Variants in ZER1 observed in about 807,000 individuals in gnomAD.
ZER1 encodes the protein zyg-11 related cell cycle regulator.
A neutral mutation model predicts 78.8 loss-of-function variants in ZER1; 11 were observed. That is an observed-to-expected ratio of 0.14 (90% CI 0.09 to 0.23). The LOEUF is 0.23. Among genes scored for constraint, ZER1 ranks in the 10% least tolerant of loss-of-function variants. The pLI, the probability that ZER1 is intolerant of heterozygous loss-of-function variation, is 1.00. For synonymous variants in ZER1, 400 were observed against 407.0 expected (o/e 0.98, Z 0.21); for missense variants, 588 against 996.9 (o/e 0.59, Z 5.52).
intron 13 of ZER1, among the ~76,000 whole-genome samples, chr9:128,735,737 G>A (rs956470264): frequency 1.5e-5 from 2 of 133,994 alleles, no homozygotes; most frequent in African/African-American, 5.5e-5. Flanking sequence ...GAGGCACCCT[G>A]GGAACAGAAG....
intron 1 of ZER1, among the ~76,000 whole-genome samples, chr9:128,766,863 A>T (rs1864227328): frequency 6.6e-6 from 1 of 150,758 alleles, no homozygotes; most frequent in Non-Finnish European, 1.5e-5. Context: ...AAAAAAAAAA[A>T]AAAAAGACCC....
chr9:128,765,616 G>T (rs1213196417), intron 1 of ZER1, among the ~76,000 whole-genome samples: 1 of 152,164 alleles, frequency 6.6e-6, no homozygotes, highest in Non-Finnish European at 1.5e-5. Context: ...AGAGGTTGGG[G>T]GAGCCAGAAG....
At chr9:128,768,038 G>A (rs1864270807) in intron 1 of ZER1, among the ~76,000 whole-genome samples, 1 of 152,220 alleles carries the variant, frequency 6.6e-6, no homozygotes, top group Non-Finnish European at 1.5e-5. Flanking sequence ...GGGTTGCTGA[G>A]GAGATGCCAT....
intron 14 of ZER1, among the ~76,000 whole-genome samples, chr9:128,734,451 C>A (rs1018304783): frequency 1.3e-5 from 2 of 151,456 alleles, no homozygotes; most frequent in African/African-American, 4.8e-5. Flanking sequence ...CCCGTCTCAG[C>A]CTCCCAATGT....
intron 1 of ZER1, among the ~76,000 whole-genome samples, chr9:128,768,317 C>G (rs1864279707): frequency 6.6e-6 from 1 of 152,182 alleles, no homozygotes; most frequent in South Asian, 2.1e-4. Context: ...CAAAACGTGT[C>G]TGCATAATCC....
At chr9:128,748,717 G>A (rs1311563256) in intron 8 of ZER1, among the ~76,000 whole-genome samples, 3 of 151,762 alleles carry the variant, frequency 2.0e-5, no homozygotes, top group Admixed American at 6.6e-5. Flanking sequence ...GACTACAGGC[G>A]CCTGCCACCA....
At chr9:128,766,943 TC>T (rs1864231363) in intron 1 of ZER1, among the ~76,000 whole-genome samples, 1 of 150,922 alleles carries the variant, frequency 6.6e-6, no homozygotes, top group African/African-American at 2.4e-5. Context: ...TATTTATTTT[TC>T]TTTCTTTTTT....
In ZER1 at chr9:128,752,673, C is replaced by G; in HGVS notation, c.923G>C (p.Ser308Thr). Residue 308 changes from serine to threonine, a missense_variant and splice_region_variant, in exon 5 of 16, where the codon AGC becomes ACC. Ser to Thr is a moderately conservative substitution (Grantham distance 58, BLOSUM62 1). Coordinates refer to ENST00000291900, the MANE Select transcript of ZER1 (RefSeq NM_006336.4). ...SKMEEEAGQT[S>T]IEPSKSSIIP... Reference sequence around the variant, plus strand: ...GTAGCCATGGAGGCTGGGGCCCCACCTGGTCTGCCCCGCTTCCTCTTCCAT... The same window carrying G: ...GTAGCCATGGAGGCTGGGGCCCCACGTGGTCTGCCCCGCTTCCTCTTCCAT... 1 of 1,610,374 alleles carries G rather than the reference C, an allele frequency of 6.2e-7. No homozygotes were observed. The highest frequency in any genetic ancestry group is 8.5e-7 in the Non-Finnish European group (1 of 1,178,290).
chr9:128,731,594 A>G (rs1862824541), intron 15 of ZER1, among the ~76,000 whole-genome samples, 200 bp from the exon 16 acceptor site: 1 of 152,124 alleles, frequency 6.6e-6, no homozygotes, highest in South Asian at 2.1e-4. Flanking sequence ...CGTGAATGCC[A>G]TCACCAGCCA....
intron 8 of ZER1, among the ~76,000 whole-genome samples, chr9:128,749,950 G>A (rs1300353243): frequency 6.6e-6 from 1 of 152,204 alleles, no homozygotes; most frequent in African/African-American, 2.4e-5. Context: ...GGCTGAGACA[G>A]GAGAATCACT....
Position 128,733,454 on chromosome 9 carries a change from C to T in ZER1, c.2215G>A (p.Ala739Thr), listed in dbSNP as rs752380674. 3.0e-5 allele frequency: 48 copies of T among 1,613,760 alleles called. No homozygotes were observed. Among genetic ancestry groups the T allele is most frequent in the Middle Eastern group, 1.6e-4 (1 of 6,080 alleles). Residue 739 changes from alanine (A) to threonine (T), a missense_variant, in exon 15 of 16, where the codon GCA becomes ACA. Around this residue, in one of 3 missense-constraint regions of ZER1, gnomAD observed 122 missense variants for 173.5 expected, o/e 0.70. Transcript: ENST00000291900. Reference sequence around the variant, plus strand: ...GCCATTTCCTTGGTCTCCTGCCGTGCGGTCGCCATCTTAATTATGTCCCTC... The same window carrying T: ...GCCATTTCCTTGGTCTCCTGCCGTGTGGTCGCCATCTTAATTATGTCCCTC... ...LLRDIIKMAT[A>T]RQETKEMARK...
At chr9:128,759,052 A>G (rs947251411) in intron 1 of ZER1, among the ~76,000 whole-genome samples, 2 of 150,676 alleles carry the variant, frequency 1.3e-5, no homozygotes, top group Non-Finnish European at 2.9e-5. Context: ...GCTGGAGTGC[A>G]GTGGCGCGAT....
At chr9:128,738,027 ATTCATTTTTATT>A (rs1367911420) in intron 13 of ZER1, among the ~76,000 whole-genome samples, 8 of 110,058 alleles carry the variant, frequency 7.3e-5, no homozygotes, top group South Asian at 2.9e-4. Flanking sequence ...TGTTTTTTTT[ATTCATTTTTATT>A]TTTATTTTTA....
Position 128,755,323 on chromosome 9 carries a change from C to T in ZER1, c.158+85G>A. On this transcript the variant is annotated intron_variant, in intron 2 of 15. Coordinates refer to ENST00000291900, the MANE Select transcript of ZER1 (RefSeq NM_006336.4). The surrounding 1 kb of genome is among the most constrained non-coding windows in gnomAD (Gnocchi z 5.6). The stretch of plus-strand genomic sequence containing the variant: ...CACACATTCATCTCCATAGCTACTC[C>T]CCACATAGTGCACACACGGTCCCAA... The T allele has an allele frequency of 6.4e-7, 1 of 1,560,182 alleles. No individual in the cohort carries two copies. Among genetic ancestry groups the T allele is most frequent in the Non-Finnish European group, 8.8e-7 (1 of 1,140,408 alleles).
At chr9:128,759,875 T>C (rs1298708101) in intron 1 of ZER1, among the ~76,000 whole-genome samples, 1 of 152,166 alleles carries the variant, frequency 6.6e-6, no homozygotes, top group African/African-American at 2.4e-5. Flanking sequence ...TTTGTTTGTT[T>C]GTTTGGTTGG....
Position 128,771,698 on chromosome 9 carries a change from T to TAGAGCCGGGGTCCAGGGGACCC in ZER1, c.-213_-212insGGGTCCCCTGGACCCCGGCTCT, listed in dbSNP as rs1474774812. On this transcript the variant is annotated 5_prime_UTR_variant, in exon 1 of 16. Transcript: ENST00000291900. ...AGAGCACCTCAGGAGGTTGGGGATC[T>TAGAGCCGGGGTCCAGGGGACCC]CGTCAGGCTAGAGCCGGGGTCCAGG... 6.6e-6 allele frequency: 1 copy of TAGAGCCGGGGTCCAGGGGACCC among 151,418 alleles called. No homozygotes were observed. Among genetic ancestry groups the TAGAGCCGGGGTCCAGGGGACCC allele is most frequent in the Non-Finnish European group, 1.5e-5 (1 of 67,878 alleles). The allele number at this position is 151,418 out of a possible 1,614,324, so 9.4% of individuals were successfully genotyped here. A position where few individuals can be genotyped will look rare whatever the true frequency, so the allele number is the denominator to read the frequency against.
intron 1 of ZER1, among the ~76,000 whole-genome samples, chr9:128,757,687 G>A (rs1462543977): frequency 1.3e-5 from 2 of 152,096 alleles, no homozygotes; most frequent in African/African-American, 4.8e-5. Context: ...TCAACTGAAC[G>A]CAACTGCAGC....
At chr9:128,772,207 C>T (rs1219683961), upstream of ZER1, 2 of 152,404 alleles carry the variant, frequency 1.3e-5, no homozygotes, top group African/African-American at 4.8e-5. Context: ...CACCTGAGCC[C>T]AACACTGCTG....
chr9:128,769,174 C>G (rs1864308013), intron 1 of ZER1, among the ~76,000 whole-genome samples: 1 of 152,106 alleles, frequency 6.6e-6, no homozygotes, highest in South Asian at 2.1e-4. Flanking sequence ...TCTTGCTTTC[C>G]CCAATATTTC....
Sources: gnomAD v4.1 joint callset for allele counts (sites outside exome capture counted in the v4.1 genomes callset) on GRCh38, gnomAD v4.1.1 for gene constraint, gnomAD v4.1.1 regional missense constraint, Gnocchi (gnomAD v3.1) non-coding constraint, MANE v1.5 for transcripts, NCBI Gene and HGNC (gene_info 2026-07-23, HGNC 2026-07-21) for gene names.